The following NTM variants were observed in gnomAD, a reference collection of about 807,000 sequenced individuals.
NTM encodes the protein IgLON family member 2.
NTM carries 13 observed loss-of-function variants against 42.1 expected under a neutral mutation model. The observed-to-expected ratio is 0.31, with a 90% CI of 0.20 to 0.49. The LOEUF (loss-of-function observed/expected upper bound fraction) is 0.49. Among genes scored for constraint, NTM ranks in the 20% least tolerant of loss-of-function variants. The pLI, the probability that NTM is intolerant of heterozygous loss-of-function variation, is 0.99. For synonymous variants in NTM, 187 were observed against 179.2 expected, an observed-to-expected ratio of 1.04 and a Z score of -0.35; for missense variants, 373 against 452.8, an observed-to-expected ratio of 0.82 and a Z score of 1.60.
intron 1 of NTM, among the ~76,000 whole-genome samples, chr11:131,422,333 T>A (rs376054548): frequency 5.9e-5 from 9 of 152,280 alleles, no homozygotes; most frequent in African/African-American, 2.2e-4. Context: ...TGAATGTGTA[T>A]CTCCTCCCCA....
intron 1 of NTM, among the ~76,000 whole-genome samples, chr11:131,515,399 G>A (rs187811478): frequency 8.5e-5 from 13 of 152,244 alleles, no homozygotes; most frequent in Non-Finnish European, 5.9e-5. Context: ...GTGGTAGATG[G>A]CCTTTCCTGC....
At chr11:131,449,966 G>A (rs776361197) in intron 1 of NTM, among the ~76,000 whole-genome samples, 9 of 152,094 alleles carry the variant, frequency 5.9e-5, no homozygotes, top group Non-Finnish European at 1.3e-4. Flanking sequence ...CATTGGATTA[G>A]GAGACCTGGA....
intron 1 of NTM, among the ~76,000 whole-genome samples, chr11:131,383,184 G>C (rs1012987501): frequency 6.6e-6 from 1 of 152,130 alleles, no homozygotes; most frequent in African/African-American, 2.4e-5. Context: ...TGAATCTAAT[G>C]ATAAAAGAAC....
At chr11:132,319,405 G>A (rs942436875) in intron 7 of NTM, among the ~76,000 whole-genome samples, 3 of 152,166 alleles carry the variant, frequency 2.0e-5, no homozygotes, top group Admixed American at 6.5e-5. Context: ...CTGGAAAATC[G>A]AGTCACTCCC....
chr11:131,929,235 G>A (rs1461184575), intron 2 of NTM, among the ~76,000 whole-genome samples: 2 of 152,198 alleles, frequency 1.3e-5, no homozygotes, highest in African/African-American at 4.8e-5. Context: ...TCTGATGAAT[G>A]AGGGCGTGAG....
chr11:131,565,983 G>T (rs1286580481), intron 1 of NTM, among the ~76,000 whole-genome samples: 2 of 152,272 alleles, frequency 1.3e-5, no homozygotes, highest in African/African-American at 4.8e-5. Flanking sequence ...TTTTAGAAAA[G>T]GATGGGTAAC....
intron 4 of NTM, among the ~76,000 whole-genome samples, chr11:132,274,070 A>G (rs1258788648): frequency 6.6e-6 from 1 of 152,176 alleles, no homozygotes; most frequent in Non-Finnish European, 1.5e-5. Context: ...TAAGTTTGGC[A>G]GTAATGTTTC....
chr11:132,042,572 T>C (rs771297582), intron 2 of NTM, among the ~76,000 whole-genome samples: 18 of 152,190 alleles, frequency 1.2e-4, no homozygotes, highest in Admixed American at 5.2e-4. Flanking sequence ...CTCTCGCTGT[T>C]GGGCACTGCC....
chr11:132,203,128 TGGCCTGG>T (rs765954707), intron 3 of NTM, among the ~76,000 whole-genome samples: 3 of 152,180 alleles, frequency 2.0e-5, no homozygotes, highest in Non-Finnish European at 2.9e-5. Flanking sequence ...CAGCGCACCC[TGGCCTGG>T]GGCCTGAGTC....
chr11:131,789,942 C>G (rs1418357160), intron 1 of NTM, among the ~76,000 whole-genome samples: 6 of 111,150 alleles, frequency 5.4e-5, no homozygotes, highest in African/African-American at 1.8e-4. Context: ...GGCGACAGAG[C>G]GAGACTCCGT....
intron 2 of NTM, among the ~76,000 whole-genome samples, chr11:132,096,303 A>G (rs970019021): frequency 2.0e-5 from 3 of 152,206 alleles, no homozygotes; most frequent in Admixed American, 1.3e-4. Flanking sequence ...ATGTCAGGGA[A>G]AGATTTATTT....
chr11:132,081,502 G>T (rs2059037050), intron 2 of NTM, among the ~76,000 whole-genome samples: 1 of 152,148 alleles, frequency 6.6e-6, no homozygotes, highest in Admixed American at 6.5e-5. Context: ...GGAGGCTGAG[G>T]TGGGTGGATC....
chr11:131,510,372 T>C lies in NTM; in HGVS notation c.82+139484T>C, dbSNP rs527955310. ...AAAGCAAAACCTGCTCCAAGCCCAG[T>C]AAAGTACCTCTGTCTGTGTTTTCTC... On this transcript the variant is annotated intron_variant, in intron 1 of 8. Coordinates refer to ENST00000683400, the MANE Select transcript of NTM (RefSeq NM_001352005.2). Among the ~76,000 whole-genome samples, 3 of 152,272 alleles carry C rather than the reference T, an allele frequency of 2.0e-5. No individual in the cohort carries two copies. In the South Asian group the frequency reaches 6.2e-4, roughly 32 times the overall value.
chr11:132,271,736 T>C (rs1374148386), intron 4 of NTM, among the ~76,000 whole-genome samples: 1 of 142,666 alleles, frequency 7.0e-6, no homozygotes, highest in Admixed American at 7.7e-5. Context: ...TTTAATTGGG[T>C]TGTCTTTTTT....
rs2095243649 is a variant in NTM, at chr11:132,310,326, A to C, written c.782+94A>C. 4 of 1,311,144 alleles carry C rather than the reference A, an allele frequency of 3.1e-6. No homozygotes were observed. In the Admixed American group the frequency reaches 1.1e-4, roughly 36 times the overall value. 81.2% of individuals were successfully genotyped at this position (1,311,144 alleles called of 1,614,324 possible). A position where few individuals can be genotyped will look rare whatever the true frequency, so the allele number is the denominator to read the frequency against. ...TTCCACATTGTTGCAAACGAGTTCT[A>C]TAAAATCCTCTTCTGAACTTATCTC... On this transcript the variant is annotated intron_variant, in intron 6 of 8. Coordinates refer to ENST00000683400, the MANE Select transcript of NTM (RefSeq NM_001352005.2).
At chr11:131,499,634 C>T (rs1203314010) in intron 1 of NTM, among the ~76,000 whole-genome samples, 1 of 151,986 alleles carries the variant, frequency 6.6e-6, no homozygotes, top group Non-Finnish European at 1.5e-5. Context: ...GTTCAAATAT[C>T]CCTAACTCGT....
intron 1 of NTM, among the ~76,000 whole-genome samples, chr11:131,476,280 C>T (rs188381119): frequency 4.6e-5 from 7 of 152,286 alleles, no homozygotes; most frequent in East Asian, 1.9e-4. Context: ...ATCAACTCAC[C>T]GTGTTAAATG....
chr11:131,419,286 G>C (rs1026361121), intron 1 of NTM, among the ~76,000 whole-genome samples: 3 of 152,158 alleles, frequency 2.0e-5, no homozygotes, highest in African/African-American at 7.2e-5. Context: ...TAAATTATTT[G>C]TCTGATTTTC....
chr11:131,768,986 G>A (rs941763428), intron 1 of NTM, among the ~76,000 whole-genome samples: 1 of 152,188 alleles, frequency 6.6e-6, no homozygotes, highest in African/African-American at 2.4e-5. Flanking sequence ...GATATTATCA[G>A]ATAATAGTAA....
Sources: allele counts gnomAD v4.1 joint callset (sites outside exome capture counted in the v4.1 genomes callset), GRCh38; gene constraint gnomAD v4.1.1; transcripts MANE v1.5; gene names NCBI Gene and HGNC (gene_info 2026-07-23, HGNC 2026-07-21).